The following SPATA17 variants were observed in gnomAD, a reference collection of about 807,000 sequenced individuals.
The protein encoded by SPATA17 is spermatogenesis associated 17.
Under a neutral mutation model 62.2 loss-of-function variants are expected in SPATA17, and 53 were observed. The observed-to-expected ratio is 0.85, with a 90% CI of 0.68 to 1.07. The LOEUF (loss-of-function observed/expected upper bound fraction) is 1.07. SPATA17 is among the 50% of genes least tolerant of loss of function. SPATA17 has a pLI of 0.00. For synonymous variants in SPATA17, 146 were observed against 146.8 expected (o/e 0.99, Z 0.04); for missense variants, 466 against 425.5 (o/e 1.10, Z -0.84).
At chr1:217,637,413 C>T (rs1330798966) in intron 1 of SPATA17, among the ~76,000 whole-genome samples, 2 of 151,958 alleles carry the variant, frequency 1.3e-5, no homozygotes, top group Non-Finnish European at 2.9e-5. Flanking sequence ...ATACATAAGC[C>T]CTAACCTGCC....
At chr1:217,864,815 G>T (rs987281145) in intron 10 of SPATA17, among the ~76,000 whole-genome samples, 5 of 151,960 alleles carry the variant, frequency 3.3e-5, no homozygotes, top group Non-Finnish European at 4.4e-5. Context: ...TAATTTAGAG[G>T]CAATTATCTT....
intron 9 of SPATA17, among the ~76,000 whole-genome samples, chr1:217,804,819 A>G (rs1674395585): frequency 6.6e-6 from 1 of 152,240 alleles, no homozygotes; most frequent in Non-Finnish European, 1.5e-5. Context: ...AGGGAAATGC[A>G]AACAGAAACC....
chr1:217,729,557 T>C (rs1672347381), intron 5 of SPATA17, among the ~76,000 whole-genome samples: 1 of 152,188 alleles, frequency 6.6e-6, no homozygotes, highest in African/African-American at 2.4e-5. Context: ...AACAAATTAG[T>C]CTGTAATGTT....
intron 5 of SPATA17, among the ~76,000 whole-genome samples, chr1:217,716,593 A>T (rs1672009117): frequency 6.6e-6 from 1 of 152,230 alleles, no homozygotes; most frequent in Non-Finnish European, 1.5e-5. Context: ...ATTATAACTG[A>T]GTAGTTACTG....
chr1:217,791,419 T>C (rs1212792453), intron 8 of SPATA17, among the ~76,000 whole-genome samples: 1 of 152,206 alleles, frequency 6.6e-6, no homozygotes, highest in African/African-American at 2.4e-5. Flanking sequence ...TGTGTATAAT[T>C]AAGAAGTTCT....
intron 2 of SPATA17, among the ~76,000 whole-genome samples, chr1:217,649,268 C>G (rs922535165): frequency 2.0e-5 from 3 of 152,074 alleles, no homozygotes; most frequent in Non-Finnish European, 4.4e-5. Flanking sequence ...CACTTGAGGT[C>G]AGGAGTTTGA....
intron 8 of SPATA17, among the ~76,000 whole-genome samples, chr1:217,793,351 G>T (rs12087767): frequency 0.025 from 3,830 of 151,282 alleles, 142 homozygotes; most frequent in African/African-American, 0.089. Flanking sequence ...CTCCTGAGTA[G>T]CCGGGACTAA....
At chr1:217,794,747 A>G (rs1390802952) in intron 8 of SPATA17, among the ~76,000 whole-genome samples, 1 of 152,176 alleles carries the variant, frequency 6.6e-6, no homozygotes, top group Non-Finnish European at 1.5e-5. Context: ...TGGCCCTTTA[A>G]CAGAAAAATA....
At chr1:217,632,091 G>A (rs1447309283) in intron 1 of SPATA17, among the ~76,000 whole-genome samples, 1 of 152,068 alleles carries the variant, frequency 6.6e-6, no homozygotes, top group Non-Finnish European at 1.5e-5. Context: ...GCTGAGGCAG[G>A]AGAATCGCTT....
chr1:217,666,226 C>T (rs1670692210), intron 3 of SPATA17, among the ~76,000 whole-genome samples: 1 of 152,022 alleles, frequency 6.6e-6, no homozygotes, highest in African/African-American at 2.4e-5. Flanking sequence ...ATTAAAATGG[C>T]TTGTCATTCT....
At chr1:217,861,387 T>TTAGATA (rs1675894189) in intron 9 of SPATA17, among the ~76,000 whole-genome samples, 1 of 145,374 alleles carries the variant, frequency 6.9e-6, no homozygotes, top group Non-Finnish European at 1.5e-5. Flanking sequence ...AAATAAAATA[T>TTAGATA]TATATATATA....
At chr1:217,714,527 C>T (rs887025382) in intron 5 of SPATA17, among the ~76,000 whole-genome samples, 9 of 131,094 alleles carry the variant, frequency 6.9e-5, no homozygotes, top group Non-Finnish European at 1.4e-4. Context: ...CTCTGTTGCC[C>T]AGGCTGGAGT....
At chr1:217,735,508 G>A (rs1376097575) in intron 5 of SPATA17, among the ~76,000 whole-genome samples, 2 of 152,176 alleles carry the variant, frequency 1.3e-5, no homozygotes, top group African/African-American at 4.8e-5. Context: ...TGAATTTGGG[G>A]GAACTCGAAT....
chr1:217,670,574 C>A lies in SPATA17; in HGVS notation c.291+1491C>A, dbSNP rs1000333147. ...ATTTTCCAATAGCATCATCCAATGT[C>A]AATTTATCTTTGATTAATGTCAATG... On this transcript the variant is annotated intron_variant, in intron 4 of 10. Transcript: ENST00000366933. 8.5e-5 allele frequency among the ~76,000 whole-genome samples: 13 copies of A among 152,284 alleles called. No homozygotes were observed. The East Asian group carries it at 9.6e-4, about 11-fold the overall frequency.
chr1:217,859,170 TTA>T (rs1675845341), intron 9 of SPATA17, among the ~76,000 whole-genome samples: 1 of 146,414 alleles, frequency 6.8e-6, no homozygotes, highest in East Asian at 2.0e-4. Flanking sequence ...ATATAAAATT[TTA>T]TATAATATAA....
intron 3 of SPATA17, among the ~76,000 whole-genome samples, chr1:217,668,684 C>T (rs986403624): frequency 3.3e-5 from 5 of 152,058 alleles, no homozygotes; most frequent in Non-Finnish European, 7.4e-5. Flanking sequence ...CTAAAAGAAC[C>T]CCAGTGAATA....
chr1:217,744,156 G>A (rs1377734903), intron 6 of SPATA17, among the ~76,000 whole-genome samples: 1 of 151,686 alleles, frequency 6.6e-6, no homozygotes, highest in Admixed American at 6.6e-5. Flanking sequence ...TTAAAATTAA[G>A]CACCTGGTTT....
At chr1:217,643,303 A>G (rs1286873154) in intron 1 of SPATA17, among the ~76,000 whole-genome samples, 1 of 152,108 alleles carries the variant, frequency 6.6e-6, no homozygotes, top group Non-Finnish European at 1.5e-5. Context: ...TCTTAGACCC[A>G]GTGCGGGCTC....
chr1:217,827,028 T>A (rs1292982440), intron 9 of SPATA17, among the ~76,000 whole-genome samples: 2 of 152,076 alleles, frequency 1.3e-5, no homozygotes, highest in Non-Finnish European at 2.9e-5. Flanking sequence ...ATATTTTGAT[T>A]ACTTATGTTA....
Sources: allele counts gnomAD v4.1 joint callset (sites outside exome capture counted in the v4.1 genomes callset), GRCh38; gene constraint gnomAD v4.1.1; transcripts MANE v1.5; gene names NCBI Gene and HGNC (gene_info 2026-07-23, HGNC 2026-07-21).